Variants in RARB observed in about 807,000 individuals in gnomAD.
RARB encodes the protein HBV-activated protein.
In RARB, 17 loss-of-function variants were observed where a neutral mutation model predicts 51.9. The observed-to-expected ratio is 0.33, with a 90% confidence interval of 0.22 to 0.49. The LOEUF is 0.49. RARB is among the 20% of genes least tolerant of loss of function. RARB has a pLI of 0.99. For missense variants in RARB, 369 were observed against 550.8 expected, an observed-to-expected ratio of 0.67 and a Z score of 3.30; for synonymous variants, 215 against 195.4, an observed-to-expected ratio of 1.10 and a Z score of -0.84.
chr3:25,289,206 C>T (rs531364199), intron 5 of RARB, among the ~76,000 whole-genome samples: 1 of 152,314 alleles, frequency 6.6e-6, no homozygotes, highest in Admixed American at 6.5e-5. Flanking sequence ...TAGAGTGTCT[C>T]ACCCTGTTTT....
chr3:24,939,828 T>C (rs566275070), intron 2 of RARB, among the ~76,000 whole-genome samples: 1 of 152,252 alleles, frequency 6.6e-6, no homozygotes, highest in Non-Finnish European at 1.5e-5. Context: ...AGTGCCCTTA[T>C]GTAATCATAC....
chr3:25,185,702 T>C (rs1051541613), intron 5 of RARB, among the ~76,000 whole-genome samples: 2 of 152,164 alleles, frequency 1.3e-5, no homozygotes, highest in Non-Finnish European at 2.9e-5. Flanking sequence ...CTCTGAGACA[T>C]AAAGTGACTT....
chr3:25,123,638 AAAAACTTCTT>A (rs1467779337), intron 3 of RARB, among the ~76,000 whole-genome samples: 6 of 152,200 alleles, frequency 3.9e-5, no homozygotes, highest in African/African-American at 9.6e-5. Context: ...CTTGCAAACT[AAAAACTTCTT>A]GTTTAAGCTC....
intron 4 of RARB, among the ~76,000 whole-genome samples, chr3:25,152,883 T>C (rs2125342254): frequency 6.6e-6 from 1 of 152,322 alleles, no homozygotes; most frequent in South Asian, 2.1e-4. Context: ...ACTAGCCAGA[T>C]GATGCTTCCA....
At chr3:25,542,579 C>G (rs911395123) in intron 3 of RARB, among the ~76,000 whole-genome samples, 2 of 152,210 alleles carry the variant, frequency 1.3e-5, no homozygotes, top group African/African-American at 4.8e-5. Context: ...CTTAACTCAT[C>G]TAAGAATGGA....
chr3:25,254,005 T>C (rs1318031761), intron 5 of RARB, among the ~76,000 whole-genome samples: 1 of 152,200 alleles, frequency 6.6e-6, no homozygotes, highest in Non-Finnish European at 1.5e-5. Flanking sequence ...TATACAGTGC[T>C]TTCTAGTAAT....
chr3:24,862,960 A>T (rs1386354528), intron 2 of RARB, among the ~76,000 whole-genome samples: 1 of 152,190 alleles, frequency 6.6e-6, no homozygotes, highest in Non-Finnish European at 1.5e-5. Context: ...TTGTGAGGCA[A>T]ACTTTTGAAG....
intron 2 of RARB, among the ~76,000 whole-genome samples, chr3:24,982,894 A>G (rs1221698211): frequency 1.3e-5 from 2 of 152,178 alleles, no homozygotes; most frequent in Admixed American, 6.5e-5. Flanking sequence ...CATATGTCCT[A>G]TGTCTTCATG....
chr3:25,171,045 C>T (rs1007315694), intron 4 of RARB, among the ~76,000 whole-genome samples: 3 of 151,258 alleles, frequency 2.0e-5, no homozygotes, highest in African/African-American at 4.9e-5. Context: ...TCTTGTAAAA[C>T]ACTTATTTTC....
chr3:25,274,760 A>G (rs1703338787), intron 5 of RARB, among the ~76,000 whole-genome samples: 1 of 152,076 alleles, frequency 6.6e-6, no homozygotes, highest in South Asian at 2.1e-4. Context: ...GCCTCTTTAT[A>G]TAGTCTTTTC....
chr3:25,523,115 C>CA (rs543532379), intron 3 of RARB, among the ~76,000 whole-genome samples: 155 of 152,222 alleles, frequency 1.0e-3, no homozygotes, highest in Non-Finnish European at 3.4e-4. Flanking sequence ...AATATGTGCC[C>CA]AAATGTATTG....
chr3:25,040,344 T>C (rs1356163854), intron 2 of RARB, among the ~76,000 whole-genome samples: 2 of 152,192 alleles, frequency 1.3e-5, no homozygotes, highest in East Asian at 1.9e-4. Context: ...AATGGAAATA[T>C]TCATAGGTGG....
chr3:25,262,041 G>A (rs1462266949), intron 5 of RARB, among the ~76,000 whole-genome samples: 13 of 152,170 alleles, frequency 8.5e-5, no homozygotes, highest in Non-Finnish European at 1.2e-4. Flanking sequence ...AAGGCCCTCT[G>A]GGGCTTCCTT....
Position 25,389,206 on chromosome 3 carries a change from T to G in RARB, c.179-71987T>G, listed in dbSNP as rs571037703. 1.5e-4 allele frequency among the ~76,000 whole-genome samples: 23 copies of G among 152,294 alleles called. No individual in the cohort carries two copies. In the East Asian group the frequency reaches 2.1e-3, roughly 14 times the overall value. On this transcript the variant is annotated intron_variant, in intron 5 of 11. Transcript: ENST00000383772. Reference sequence around the variant, plus strand: ...TGGAATTCCAAGTACCAGAGTTGATTGGGTGACACATCAGGTCACCCACAA... The same window carrying G: ...TGGAATTCCAAGTACCAGAGTTGATGGGGTGACACATCAGGTCACCCACAA...
chr3:25,494,897 T>G (rs1176059273), intron 2 of RARB, among the ~76,000 whole-genome samples: 1 of 152,262 alleles, frequency 6.6e-6, no homozygotes, highest in Non-Finnish European at 1.5e-5. Context: ...TGCTATTCAC[T>G]GGACGCCTGC....
intron 2 of RARB, among the ~76,000 whole-genome samples, chr3:24,925,507 G>T (rs886889774): frequency 9.9e-5 from 15 of 151,782 alleles, no homozygotes; most frequent in African/African-American, 3.6e-4. Flanking sequence ...GCTGGGCATG[G>T]TGTGCATATC....
At chr3:25,396,158 C>G (rs374883132) in intron 5 of RARB, among the ~76,000 whole-genome samples, 23 of 152,214 alleles carry the variant, frequency 1.5e-4, no homozygotes, top group African/African-American at 5.5e-4. Context: ...AGCAGAGCTA[C>G]TGGGCTCCAG....
chr3:24,855,323 G>A (rs531298920), intron 1 of RARB, among the ~76,000 whole-genome samples: 1 of 152,226 alleles, frequency 6.6e-6, no homozygotes, highest in African/African-American at 2.4e-5. Context: ...TGTATGTCTG[G>A]TGGGTTCAGA....
chr3:25,020,195 C>T (rs1166476953), intron 2 of RARB: 1 of 150,932 alleles, frequency 6.6e-6, no homozygotes, highest in Non-Finnish European at 1.5e-5. Flanking sequence ...GTTGCTCAGG[C>T]TGGAGGGCAG....
Sources: allele counts gnomAD v4.1 joint callset (sites outside exome capture counted in the v4.1 genomes callset), GRCh38; gene constraint gnomAD v4.1.1; transcripts MANE v1.5; gene names NCBI Gene and HGNC (gene_info 2026-07-23, HGNC 2026-07-21).